Variants in USP12 observed in about 807,000 individuals in gnomAD.
USP12 encodes the protein ubiquitin specific peptidase 12, also known as ubiquitin carboxyl-terminal hydrolase 12.
USP12 carries 19 observed loss-of-function variants against 45.5 expected under a neutral mutation model. The ratio of observed to expected loss-of-function variants is 0.42; its 90% CI spans 0.29 to 0.61. The LOEUF is 0.61. USP12 is among the 20% of genes least tolerant of loss of function. USP12 has a pLI of 0.22. For synonymous variants in USP12, 149 were observed against 148.8 expected, an observed-to-expected ratio of 1.00 and a Z score of -0.01; for missense variants, 242 against 447.7, an observed-to-expected ratio of 0.54 and a Z score of 4.15.
chr13:27,133,228 A>G (rs942935634), intron 1 of USP12, among the ~76,000 whole-genome samples: 11 of 151,564 alleles, frequency 7.3e-5, no homozygotes, highest in African/African-American at 2.4e-5. Flanking sequence ...CGCAAACACC[A>G]CACTCACCAC....
At chr13:27,077,931 A>T (rs1256326432) in intron 6 of USP12, 1 of 152,184 alleles carries the variant, frequency 6.6e-6, no homozygotes, top group Non-Finnish European at 1.5e-5. Flanking sequence ...GTCTTAGAAC[A>T]TAATGTTTTC....
intron 2 of USP12, among the ~76,000 whole-genome samples, chr13:27,106,895 A>G (rs965679448): frequency 9.2e-5 from 14 of 152,328 alleles, no homozygotes; most frequent in African/African-American, 3.1e-4. Context: ...ACAAAAATAA[A>G]CAAAACCTAA....
chr13:27,086,282 TACACACACACAC>T (rs71083627), intron 6 of USP12, among the ~76,000 whole-genome samples: 3 of 137,412 alleles, frequency 2.2e-5, no homozygotes, highest in African/African-American at 5.4e-5. Flanking sequence ...TATATATAAT[TACACACACACAC>T]ACACACACAC....
At chr13:27,076,415 T>C (rs1260916643) in intron 6 of USP12, among the ~76,000 whole-genome samples, 3 of 152,228 alleles carry the variant, frequency 2.0e-5, no homozygotes, top group East Asian at 1.9e-4. Context: ...TATTCTTCTT[T>C]TAATGGCTCA....
chr13:27,118,300 T>C (rs1875837235), intron 1 of USP12, among the ~76,000 whole-genome samples: 1 of 152,122 alleles, frequency 6.6e-6, no homozygotes, highest in South Asian at 2.1e-4. Context: ...ACAAGACGTT[T>C]CTTCTATTAT....
chr13:27,121,532 G>C (rs1485685122), intron 1 of USP12, among the ~76,000 whole-genome samples: 1 of 151,984 alleles, frequency 6.6e-6, no homozygotes, highest in East Asian at 1.9e-4. Context: ...ATGAATAAGA[G>C]CCCCATGAAG....
chr13:27,107,357 G>A (rs546830899), intron 2 of USP12, among the ~76,000 whole-genome samples: 1 of 152,064 alleles, frequency 6.6e-6, no homozygotes, highest in South Asian at 2.1e-4. Flanking sequence ...CAAATTTATT[G>A]ATATTGTTAT....
chr13:27,130,135 TGCCTAGTAACAGGGCTG>T (rs1384841561), intron 1 of USP12, among the ~76,000 whole-genome samples: 10 of 152,202 alleles, frequency 6.6e-5, no homozygotes, highest in Admixed American at 6.5e-4. Context: ...CTAGAGCAGC[TGCCTAGTAACAGGGCTG>T]GCAGCGGGAA....
At chr13:27,090,027 AT>A (rs1262292945) in intron 5 of USP12, 54 bp downstream of exon 5, 2 of 1,580,422 alleles carry the variant, frequency 1.3e-6, no homozygotes, top group Non-Finnish European at 1.7e-6. Flanking sequence ...ATCTTAAAAA[AT>A]ATTCCAGACT....
intron 4 of USP12, among the ~76,000 whole-genome samples, chr13:27,092,720 A>G (rs1200117982): frequency 6.6e-6 from 1 of 152,246 alleles, no homozygotes; most frequent in Non-Finnish European, 1.5e-5. Flanking sequence ...AAATTAACTC[A>G]AAAAGGATCA....
chr13:27,136,303 G>A (rs958642676), intron 1 of USP12, among the ~76,000 whole-genome samples: 1 of 152,178 alleles, frequency 6.6e-6, no homozygotes, highest in African/African-American at 2.4e-5. Flanking sequence ...TTCGAGACCA[G>A]CCTGGCCAAC....
At chr13:27,167,349 T>C (rs1235400423) in intron 1 of USP12, among the ~76,000 whole-genome samples, 1 of 152,202 alleles carries the variant, frequency 6.6e-6, no homozygotes, top group Non-Finnish European at 1.5e-5. Context: ...AGTTTTTATA[T>C]TTTCCAGATT....
chr13:27,163,705 G>A (rs952218132), intron 1 of USP12, among the ~76,000 whole-genome samples: 2 of 147,734 alleles, frequency 1.4e-5, no homozygotes, highest in African/African-American at 2.5e-5. Context: ...CACCTTGGGA[G>A]GCCAAGGCAG....
intron 6 of USP12, among the ~76,000 whole-genome samples, chr13:27,076,541 A>G (rs111646000): frequency 5.9e-5 from 9 of 152,286 alleles, no homozygotes; most frequent in African/African-American, 2.2e-4. Context: ...ATTTTAGGTG[A>G]TTATGGTTCT....
intron 6 of USP12, among the ~76,000 whole-genome samples, chr13:27,079,681 T>G (rs926807720): frequency 4.6e-5 from 7 of 152,182 alleles, no homozygotes; most frequent in African/African-American, 1.7e-4. Flanking sequence ...ATTTCCTATT[T>G]TTATAAATTG....
At position 27,066,646 on chromosome 13, in the gene USP12, A is replaced by G. The variant is rs1157849957; in HGVS notation, c.*2637T>C. The G allele has an allele frequency of 1.3e-5, 2 of 152,212 alleles. No homozygotes were observed. The highest frequency in any genetic ancestry group is 2.9e-5 in the Non-Finnish European group (2 of 68,038). The allele number at this position is 152,212 out of a possible 1,614,324, so 9.4% of individuals were successfully genotyped here. ...TCCAAGACAGAAGCCATGTGACTTA[A>G]GAAGTGGGACTTAATTTAGAATATT... is the stretch of plus-strand genomic sequence containing the variant. On this transcript the variant is annotated 3_prime_UTR_variant, in exon 9 of 9. Coordinates refer to ENST00000282344, the MANE Select transcript of USP12 (RefSeq NM_182488.4).
At chr13:27,087,287 G>A (rs988607827) in intron 6 of USP12, among the ~76,000 whole-genome samples, 16 of 135,614 alleles carry the variant, frequency 1.2e-4, no homozygotes, top group Non-Finnish European at 2.2e-4. Flanking sequence ...GTGTGTGCGC[G>A]CACGCTCGTG....
chr13:27,130,219 G>A (rs538501291), intron 1 of USP12, among the ~76,000 whole-genome samples: 45 of 152,108 alleles, frequency 3.0e-4, no homozygotes, highest in Non-Finnish European at 4.9e-4. Flanking sequence ...AGTAGCCTGG[G>A]GAAACAGCAC....
At chr13:27,163,861 C>A (rs549410260) in intron 1 of USP12, among the ~76,000 whole-genome samples, 1 of 151,812 alleles carries the variant, frequency 6.6e-6, no homozygotes, top group Admixed American at 6.6e-5. Context: ...GGCTAAGGGT[C>A]TCCTATCAAC....
Sources: allele counts gnomAD v4.1 joint callset (sites outside exome capture counted in the v4.1 genomes callset), GRCh38; gene constraint gnomAD v4.1.1; transcripts MANE v1.5; gene names NCBI Gene and HGNC (gene_info 2026-07-23, HGNC 2026-07-21).